CDC37L1: variants seen among roughly 807,000 people sequenced by gnomAD.
CDC37L1 encodes the protein hsp90 co-chaperone Cdc37-like 1.
A neutral mutation model predicts 45.9 loss-of-function variants in CDC37L1; 32 were observed. The observed-to-expected ratio is 0.70, with a 90% CI of 0.53 to 0.94. The LOEUF is 0.94. Ranked by LOEUF, CDC37L1 falls within the 40% of genes least tolerant of loss-of-function variation. The pLI, the probability that CDC37L1 is intolerant of heterozygous loss-of-function variation, is 0.00. For synonymous variants in CDC37L1, 150 were observed against 133.0 expected, an observed-to-expected ratio of 1.13 and a Z score of -0.88; for missense variants, 434 against 405.7, an observed-to-expected ratio of 1.07 and a Z score of -0.60.
chr9:4,701,786 G>A, intron 5 of CDC37L1, 78 bp from the exon 6 acceptor site: 1 of 1,096,706 alleles, frequency 9.1e-7, no homozygotes, highest in Non-Finnish European at 1.3e-6. Context: ...CTTCAAACCT[G>A]TTATATGCTT....
At chr9:4,694,966 C>T (rs181944675) in intron 3 of CDC37L1, among the ~76,000 whole-genome samples, 40 of 152,204 alleles carry the variant, frequency 2.6e-4, no homozygotes, top group African/African-American at 9.4e-4. Flanking sequence ...CAAAATAAAC[C>T]AGAATGGATA....
Position 4,707,719 on chromosome 9 carries a change from C to T in CDC37L1, c.*1607C>T, listed in dbSNP as rs1180413179. Reference sequence around the variant, plus strand: ...TTTTTTTTTAAACCCATGACCTAGTCGTAGACATTTTTTTCTTTTTGTTCT... The same window carrying T: ...TTTTTTTTTAAACCCATGACCTAGTTGTAGACATTTTTTTCTTTTTGTTCT... On this transcript the variant is annotated 3_prime_UTR_variant, in exon 7 of 7. Transcript: ENST00000381854. The T allele has an allele frequency of 6.6e-6, 1 of 150,422 alleles. No homozygotes were observed. The highest frequency in any genetic ancestry group is 1.5e-5 in the Non-Finnish European group (1 of 67,686). 9.3% of individuals were successfully genotyped at this position (150,422 alleles called of 1,614,324 possible).
At chr9:4,703,094 A>AT in intron 6 of CDC37L1, 1 of 1,544,576 alleles carries the variant, frequency 6.5e-7, no homozygotes, top group Non-Finnish European at 8.7e-7. Flanking sequence ...AGGCTCCAAG[A>AT]TTTTAAGACC....
At chr9:4,683,907 C>A (rs1050226627) in intron 1 of CDC37L1, among the ~76,000 whole-genome samples, 1 of 152,200 alleles carries the variant, frequency 6.6e-6, no homozygotes, top group African/African-American at 2.4e-5. Context: ...CAGTACTTTA[C>A]ATGTAGTAAT....
chr9:4,696,346 T>A (rs1279589551), intron 3 of CDC37L1, among the ~76,000 whole-genome samples: 5 of 152,150 alleles, frequency 3.3e-5, no homozygotes, highest in South Asian at 4.1e-4. Flanking sequence ...CATTGCTATA[T>A]TGAATTTATT....
chr9:4,700,725 G>A (rs993790802), intron 5 of CDC37L1, among the ~76,000 whole-genome samples: 2 of 152,174 alleles, frequency 1.3e-5, no homozygotes, highest in East Asian at 1.9e-4. Flanking sequence ...CACTTTACAT[G>A]TATTAACTCA....
In CDC37L1 at chr9:4,684,879, G is replaced by A; in HGVS notation, c.135G>A (p.Met45Ile). The A allele has an allele frequency of 2.5e-6, 4 of 1,607,910 alleles. No individual in the cohort carries two copies. The highest frequency in any genetic ancestry group is 1.7e-4 in the Middle Eastern group (1 of 6,046). ...TTACAAATATTGTTTTTATCCAGAT[G>A]TATAGCCATGGAATTGAATTGGCTT... is the stretch of plus-strand genomic sequence containing the variant. ...CPQLPGGGAQ[M>I]YSHGIELACQ... Residue 45 changes from methionine (M) to isoleucine (I), a missense_variant and splice_region_variant, in exon 2 of 7, where the codon ATG becomes ATA. Coordinates refer to ENST00000381854, the MANE Select transcript of CDC37L1 (RefSeq NM_017913.4).
intron 3 of CDC37L1, among the ~76,000 whole-genome samples, chr9:4,694,599 G>T (rs1841329588): frequency 6.6e-6 from 1 of 152,170 alleles, no homozygotes; most frequent in African/African-American, 2.4e-5. Context: ...TTGGCAGGGA[G>T]TGGTGGCTCA....
At chr9:4,702,888 CAAAAAAAAA>C (rs397829063) in intron 6 of CDC37L1, among the ~76,000 whole-genome samples, 1 of 42,962 alleles carries the variant, frequency 2.3e-5, no homozygotes, top group Non-Finnish European at 4.8e-5. Context: ...GACTCCGTCT[CAAAAAAAAA>C]AAAAAAAAAA....
chr9:4,700,087 A>C (rs1381926584), intron 5 of CDC37L1, among the ~76,000 whole-genome samples: 1 of 152,198 alleles, frequency 6.6e-6, no homozygotes, highest in Non-Finnish European at 1.5e-5. Context: ...ATTTTCCTGA[A>C]ACAGTTGAAC....
chr9:4,688,201 T>C (rs1262517051), intron 2 of CDC37L1, among the ~76,000 whole-genome samples: 2 of 152,238 alleles, frequency 1.3e-5, no homozygotes, highest in African/African-American at 2.4e-5. Context: ...GGTTTCACTA[T>C]GTTGGCCAGG....
chr9:4,702,878 G>A (rs575569926), intron 6 of CDC37L1, among the ~76,000 whole-genome samples: 206 of 103,144 alleles, frequency 2.0e-3, no homozygotes, highest in Middle Eastern at 0.02. Context: ...GACAGAGCAA[G>A]ACTCCGTCTC....
At chr9:4,688,659 A>T in intron 3 of CDC37L1, 53 bp downstream of exon 3, 1 of 1,147,928 alleles carries the variant, frequency 8.7e-7, no homozygotes, top group Non-Finnish European at 1.2e-6. Context: ...TCATATGTAC[A>T]TGTGCAAAAA....
At chr9:4,686,290 C>T (rs898420014) in intron 2 of CDC37L1, among the ~76,000 whole-genome samples, 2 of 152,210 alleles carry the variant, frequency 1.3e-5, no homozygotes, top group African/African-American at 2.4e-5. Flanking sequence ...GATAAGTGTA[C>T]ATCGCCACTA....
intron 3 of CDC37L1, among the ~76,000 whole-genome samples, chr9:4,689,898 G>C (rs1334283459): frequency 6.6e-6 from 1 of 152,192 alleles, no homozygotes; most frequent in Admixed American, 6.5e-5. Flanking sequence ...TGCATCTGGT[G>C]AAACAACATT....
chr9:4,692,471 T>C (rs1001107192), intron 3 of CDC37L1, among the ~76,000 whole-genome samples: 2 of 152,110 alleles, frequency 1.3e-5, no homozygotes, highest in Admixed American at 6.5e-5. Flanking sequence ...GGTTTCACCA[T>C]GTTGGCCAGG....
intron 1 of CDC37L1, among the ~76,000 whole-genome samples, chr9:4,683,831 A>G (rs1211879551): frequency 6.6e-6 from 1 of 152,242 alleles, no homozygotes; most frequent in Non-Finnish European, 1.5e-5. Context: ...CGAAGAACTC[A>G]TAAAGAATGT....
rs1841446455 is a variant in CDC37L1, at chr9:4,706,778, T to C, written c.*666T>C. The C allele has an allele frequency of 6.6e-6, 1 of 152,256 alleles. No homozygotes were observed. The highest frequency in any genetic ancestry group is 2.1e-4 in the South Asian group (1 of 4,830). The allele number at this position is 152,256 out of a possible 1,614,324, so 9.4% of individuals were successfully genotyped here. A position where few individuals can be genotyped will look rare whatever the true frequency, so the allele number is the denominator to read the frequency against. On this transcript the variant is annotated 3_prime_UTR_variant, in exon 7 of 7. Transcript: ENST00000381854. ...TCCTTAGAATTTGATTTTACCCTGC[T>C]GACTTTAAGAGTTATAATAATATCA...
At chr9:4,695,911 C>T (rs369445936) in intron 3 of CDC37L1, among the ~76,000 whole-genome samples, 3 of 152,288 alleles carry the variant, frequency 2.0e-5, no homozygotes, top group African/African-American at 7.2e-5. Context: ...GTGCCTCAGC[C>T]TTCCAAGTAG....
Sources: gnomAD v4.1 joint callset for allele counts (sites outside exome capture counted in the v4.1 genomes callset) on GRCh38, gnomAD v4.1.1 for gene constraint, MANE v1.5 for transcripts, NCBI Gene and HGNC (gene_info 2026-07-23, HGNC 2026-07-21) for gene names.